Variants in STARD8 observed in about 807,000 individuals in gnomAD.
STARD8 encodes the protein StAR related lipid transfer domain containing 8, also known as stAR-related lipid transfer protein 8.
STARD8 carries 25 observed loss-of-function variants against 69.4 expected under a neutral mutation model. The ratio of observed to expected loss-of-function variants is 0.36; its 90% CI spans 0.26 to 0.50. The LOEUF (loss-of-function observed/expected upper bound fraction) is 0.50. STARD8 is among the 20% of genes least tolerant of loss of function. The pLI, the probability that STARD8 is intolerant of heterozygous loss-of-function variation, is 0.96. For synonymous variants in STARD8, 389 were observed against 374.6 expected (o/e 1.04, Z -0.45); for missense variants, 921 against 932.5 (o/e 0.99, Z 0.16).
At chrX:68,698,198 A>G (rs974602360) in intron 2 of STARD8, among the ~76,000 whole-genome samples, 1 of 111,574 alleles carries the variant, frequency 9.0e-6, no homozygotes, top group Non-Finnish European at 1.9e-5. Context: ...TTTGAAGGAC[A>G]TGGGTTCAGC....
chrX:68,658,956 A>G (rs2079627715), intron 1 of STARD8, among the ~76,000 whole-genome samples: 1 of 112,404 alleles, frequency 8.9e-6, no homozygotes, highest in African/African-American at 3.2e-5. Context: ...AAATGGATGC[A>G]GGCTGACTTT....
intron 2 of STARD8, among the ~76,000 whole-genome samples, chrX:68,679,595 T>C (rs1214859405): frequency 9.1e-6 from 1 of 110,118 alleles, no homozygotes; most frequent in African/African-American, 3.3e-5. Flanking sequence ...GAAAGGAGAG[T>C]GAGCAGGAGG....
rs149124065 is a variant in STARD8, at chrX:68,712,259, C to G, written c.80-655C>G. On this transcript the variant is annotated intron_variant, in intron 2 of 14. Coordinates refer to ENST00000374599, the MANE Select transcript of STARD8 (RefSeq NM_001142503.3). Reference sequence around the variant, plus strand: ...TGGGAAGCTCCCTGAGGAGGGAGGACTATAATGAGCATGGGGGTGCTGCTG... The same window carrying G: ...TGGGAAGCTCCCTGAGGAGGGAGGAGTATAATGAGCATGGGGGTGCTGCTG... Among the ~76,000 whole-genome samples the G allele has an allele frequency of 5.7e-3, 639 of 112,000 alleles. 7 individuals carry two copies. The highest frequency in any genetic ancestry group is 0.02 in the African/African-American group (623 of 30,773).
At chrX:68,713,198 G>A (rs933666515) in intron 3 of STARD8, among the ~76,000 whole-genome samples, 2 of 111,855 alleles carry the variant, frequency 1.8e-5, no homozygotes, top group Non-Finnish European at 3.8e-5. Flanking sequence ...CACAAGCTCT[G>A]CTGTTGCCCA....
Position 68,718,449 on chromosome X carries a change from G to T in STARD8, c.1535G>T (p.Ser512Ile), listed in dbSNP as rs2080117294. 1.7e-6 allele frequency: 2 copies of T among 1,210,570 alleles called. No individual in the cohort carries two copies. Among genetic ancestry groups the T allele is most frequent in the South Asian group, 3.5e-5 (2 of 56,807 alleles). Residue 512 changes from serine (S) to isoleucine (I), a missense_variant, in exon 6 of 15, where the codon AGC (serine) becomes ATC (isoleucine). Ser to Ile is a moderately radical substitution (Grantham distance 142). Coordinates refer to ENST00000374599, the MANE Select transcript of STARD8 (RefSeq NM_001142503.3). ...GGCGGGGAACCCACCTTTGCCTCTA[G>T]CCTGTCTGTGGAAGAAGGACACTCC... Reference protein sequence around the residue: ...HSGGEPTFASSLSVEEGHSIS... With the variant: ...HSGGEPTFASILSVEEGHSIS...
At chrX:68,695,292 TA>T (rs1341208512) in intron 2 of STARD8, among the ~76,000 whole-genome samples, 2 of 110,670 alleles carry the variant, frequency 1.8e-5, no homozygotes, top group Non-Finnish European at 3.8e-5. Flanking sequence ...TGTAAGGGCA[TA>T]GGGGTCGGTA....
intron 2 of STARD8, among the ~76,000 whole-genome samples, chrX:68,689,763 G>T (rs956488913): frequency 9.0e-6 from 1 of 111,528 alleles, no homozygotes; most frequent in Admixed American, 9.4e-5. Flanking sequence ...TGAGGCTGGA[G>T]GCAACCGTGA....
At chrX:68,712,121 C>T (rs2080055793) in intron 2 of STARD8, among the ~76,000 whole-genome samples, 1 of 112,422 alleles carries the variant, frequency 8.9e-6, no homozygotes, top group Non-Finnish European at 1.9e-5. Flanking sequence ...AGAGCAGAGG[C>T]GACAGGCTGA....
At chrX:68,659,594 ACT>A (rs1338128832) in intron 1 of STARD8, among the ~76,000 whole-genome samples, 1 of 111,287 alleles carries the variant, frequency 9.0e-6, no homozygotes, top group Non-Finnish European at 1.9e-5. Flanking sequence ...TCCCGGAAAG[ACT>A]CTGCAGTTCT....
At chrX:68,655,603 A>G (rs1310522755) in intron 1 of STARD8, among the ~76,000 whole-genome samples, 1 of 112,135 alleles carries the variant, frequency 8.9e-6, no homozygotes, top group African/African-American at 3.2e-5. Flanking sequence ...CATGGGCTAG[A>G]GCAAAATAAT....
At chrX:68,690,106 G>T (rs1044757130) in intron 2 of STARD8, among the ~76,000 whole-genome samples, 4 of 110,411 alleles carry the variant, frequency 3.6e-5, no homozygotes, top group Non-Finnish European at 7.6e-5. Flanking sequence ...CTGGGCGGGG[G>T]CCCCAAGCCA....
At chrX:68,710,521 C>A (rs1006037970) in intron 2 of STARD8, among the ~76,000 whole-genome samples, 2 of 112,192 alleles carry the variant, frequency 1.8e-5, no homozygotes, top group Admixed American at 9.4e-5. Context: ...CTTTGAGTAG[C>A]AAGGGGCTAC....
rs1318127927 is a variant in STARD8, at chrX:68,711,022, T to G, written c.80-1892T>G. On this transcript the variant is annotated intron_variant, in intron 2 of 14. Coordinates refer to ENST00000374599, the MANE Select transcript of STARD8 (RefSeq NM_001142503.3). The stretch of plus-strand genomic sequence containing the variant: ...CCCTGGGCAGCTCCCTTTGGACTGG[T>G]CTTACATCACCTAGACTACCACTGG... 2.7e-5 allele frequency among the ~76,000 whole-genome samples: 3 copies of G among 111,652 alleles called. No individual in the cohort carries two copies. The Admixed American group carries it at 2.8e-4, about 11-fold the overall frequency.
intron 2 of STARD8, among the ~76,000 whole-genome samples, chrX:68,696,341 C>T (rs779557334): frequency 1.8e-5 from 2 of 111,630 alleles, no homozygotes; most frequent in Non-Finnish European, 3.8e-5. Context: ...TTTGTGTGTG[C>T]GCACGTGTGC....
intron 2 of STARD8, among the ~76,000 whole-genome samples, chrX:68,681,995 C>G (rs2079803645): frequency 3.7e-5 from 4 of 108,572 alleles, no homozygotes; most frequent in Admixed American, 9.8e-5. Context: ...CTCACTTACT[C>G]TTCAATTTTT....
chrX:68,664,683 C>A (rs2079672113), intron 1 of STARD8, among the ~76,000 whole-genome samples: 1 of 111,770 alleles, frequency 8.9e-6, no homozygotes, highest in Admixed American at 9.5e-5. Flanking sequence ...TTAAAAGTTT[C>A]TCCTTCTTGG....
intron 1 of STARD8, among the ~76,000 whole-genome samples, chrX:68,649,803 G>A (rs1003097532): frequency 1.8e-5 from 2 of 111,012 alleles, no homozygotes; most frequent in Non-Finnish European, 1.9e-5. Flanking sequence ...ATAATTAAGT[G>A]GACGGTTTTA....
chrX:68,721,275 A>C (rs948060806), intron 9 of STARD8, among the ~76,000 whole-genome samples, 153 bp downstream of exon 9: 1 of 111,978 alleles, frequency 8.9e-6, no homozygotes, highest in Non-Finnish European at 1.9e-5. Context: ...TGGCCCTTGC[A>C]GAGAGACCAT....
chrX:68,661,960 CT>C (rs2079649694), intron 1 of STARD8, among the ~76,000 whole-genome samples: 1 of 77,219 alleles, frequency 1.3e-5, no homozygotes, highest in African/African-American at 7.9e-5. Context: ...CTCTCTCTCT[CT>C]CTCTCTCTCT....
Sources: allele counts gnomAD v4.1 joint callset (sites outside exome capture counted in the v4.1 genomes callset), GRCh38; gene constraint gnomAD v4.1.1; transcripts MANE v1.5; gene names NCBI Gene and HGNC (gene_info 2026-07-23, HGNC 2026-07-21).